SEPTIN9: variants seen among roughly 807,000 people sequenced by gnomAD.
SEPTIN9 encodes the protein septin-9.
Under a neutral mutation model 56.6 loss-of-function variants are expected in SEPTIN9, and 13 were observed. The ratio of observed to expected loss-of-function variants is 0.23; its 90% CI spans 0.15 to 0.37. SEPTIN9 has a LOEUF of 0.37. Among genes scored for constraint, SEPTIN9 ranks in the 10% least tolerant of loss-of-function variants. The probability of loss-of-function intolerance (pLI) is 1.00; values close to 1 mark genes in which losing one functional copy is unlikely to be tolerated. For synonymous variants in SEPTIN9, 332 were observed against 334.1 expected (o/e 0.99, Z 0.07); for missense variants, 650 against 823.1 (o/e 0.79, Z 2.57).
rs1475118862 is a variant in SEPTIN9, at chr17:77,437,547, T to C, written c.721+34844T>C. ...AGAGGTCAGGAGGCTGCTCAAGACC[T>C]TCTGCCCCTCAGGGACCAGGTGAGG... On this transcript the variant is annotated intron_variant, in intron 3 of 11. Coordinates refer to ENST00000427177, the MANE Select transcript of SEPTIN9 (RefSeq NM_001113491.2). This position sits in a 1 kb window ranked among gnomAD's most constrained non-coding sequence, Gnocchi z 5.3. Among the ~76,000 whole-genome samples, 1 of 152,026 alleles carries C rather than the reference T, an allele frequency of 6.6e-6. No individual in the cohort carries two copies. The highest frequency in any genetic ancestry group is 1.9e-4 in the East Asian group (1 of 5,168).
intron 3 of SEPTIN9, among the ~76,000 whole-genome samples, chr17:77,403,919 G>T (rs965181206): frequency 2.0e-5 from 3 of 152,110 alleles, no homozygotes; most frequent in Non-Finnish European, 2.9e-5. Context: ...GTCCCCGTTA[G>T]ACCAAGCTCC....
Position 77,492,357 on chromosome 17 carries a change from A to T in SEPTIN9, c.1381-264A>T, listed in dbSNP as rs1393846367. ...TTCTTGGGGCTGTGATGAGCAGGAGAAGAGAGGTGGGAGGTGCTCAGGACG... is the reference window on the plus strand; with the variant it reads ...TTCTTGGGGCTGTGATGAGCAGGAGTAGAGAGGTGGGAGGTGCTCAGGACG... On this transcript the variant is annotated intron_variant, in intron 8 of 11. Transcript: ENST00000427177. This position sits in a 1 kb window ranked among gnomAD's most constrained non-coding sequence, Gnocchi z 5.4. Among the ~76,000 whole-genome samples, 1 of 151,780 alleles carries T rather than the reference A, an allele frequency of 6.6e-6. No individual in the cohort carries two copies. Among genetic ancestry groups the T allele is most frequent in the African/African-American group, 2.4e-5 (1 of 41,316 alleles).
At position 77,436,368 on chromosome 17, in the gene SEPTIN9, AGGT is replaced by A. The variant is rs1243155298; in HGVS notation, c.721+33668_721+33670del. Among the ~76,000 whole-genome samples the A allele has an allele frequency of 6.6e-6, 1 of 152,152 alleles. No homozygotes were observed. Among genetic ancestry groups the A allele is most frequent in the Non-Finnish European group, 1.5e-5 (1 of 68,020 alleles). The stretch of plus-strand genomic sequence containing the variant: ...CCCAGCTGTTCAGAGCGGATCCAGA[AGGT>A]GGAGAGAGGGTTTCCAATAAGCAGA... On this transcript the variant is annotated intron_variant, in intron 3 of 11. Coordinates refer to ENST00000427177, the MANE Select transcript of SEPTIN9 (RefSeq NM_001113491.2). This position sits in a 1 kb window ranked among gnomAD's most constrained non-coding sequence, Gnocchi z 4.4.
rs1163554594 is a variant in SEPTIN9, at chr17:77,499,751, C to T, written c.*1093C>T. ...AATGCCCAGCCAGCCACCCCTGCCA[C>T]TCACCCTTCCTGGCCCAGGCCTTGC... On this transcript the variant is annotated 3_prime_UTR_variant, in exon 12 of 12. Coordinates refer to ENST00000427177, the MANE Select transcript of SEPTIN9 (RefSeq NM_001113491.2). 2 of 349,970 alleles carry T rather than the reference C, an allele frequency of 5.7e-6. No individual in the cohort carries two copies. Among genetic ancestry groups the T allele is most frequent in the East Asian group, 4.9e-5 (1 of 20,218 alleles). The allele number at this position is 349,970 out of a possible 1,614,324, so 21.7% of individuals were successfully genotyped here.
chr17:77,391,986 G>A (rs368867), intron 2 of SEPTIN9, among the ~76,000 whole-genome samples: 7,271 of 152,312 alleles, frequency 0.048, 459 homozygotes, highest in East Asian at 0.17. Context: ...CCAGTGCTCC[G>A]TTTCTGGAAG....
chr17:77,417,691 A>G (rs562089845), intron 3 of SEPTIN9, among the ~76,000 whole-genome samples: 2 of 152,322 alleles, frequency 1.3e-5, no homozygotes, highest in South Asian at 4.2e-4. Context: ...CGCAGGAGCC[A>G]TTCCTTTTGT....
At position 77,450,922 on chromosome 17, in the gene SEPTIN9, T is replaced by A. The variant is rs1040253494; in HGVS notation, c.722-31222T>A. 12 of 553,834 alleles carry A rather than the reference T, an allele frequency of 2.2e-5. No homozygotes were observed. Among genetic ancestry groups the A allele is most frequent in the Non-Finnish European group, 2.8e-5 (12 of 435,960 alleles). 34.3% of individuals were successfully genotyped at this position (553,834 alleles called of 1,614,324 possible). On this transcript the variant is annotated intron_variant, in intron 3 of 11. Coordinates refer to ENST00000427177, the MANE Select transcript of SEPTIN9 (RefSeq NM_001113491.2). The surrounding 1 kb of genome is among the most constrained non-coding windows in gnomAD (Gnocchi z 6.0). Reference sequence around the variant, plus strand: ...AGCCCTGGCTGCAGGTCTGAATGGCTTTCTGGGGTGGCTGGCCATGCTCCC... The same window carrying A: ...AGCCCTGGCTGCAGGTCTGAATGGCATTCTGGGGTGGCTGGCCATGCTCCC...
chr17:77,402,802 G>A lies in SEPTIN9; in HGVS notation c.721+99G>A. On this transcript the variant is annotated intron_variant, in intron 3 of 11. Coordinates refer to ENST00000427177, the MANE Select transcript of SEPTIN9 (RefSeq NM_001113491.2). The surrounding 1 kb of genome is among the most constrained non-coding windows in gnomAD (Gnocchi z 6.6). ...TGGAGGAAGAAGCTGGATATGGGGT[G>A]GAGGGTGCTACCCTGGAGACCCAGA... 1.6e-6 allele frequency: 2 copies of A among 1,273,428 alleles called. No homozygotes were observed. The highest frequency in any genetic ancestry group is 2.1e-6 in the Non-Finnish European group (2 of 934,460). 78.9% of individuals were successfully genotyped at this position (1,273,428 alleles called of 1,614,324 possible). A position where few individuals can be genotyped will look rare whatever the true frequency, so the allele number is the denominator to read the frequency against.
intron 1 of SEPTIN9, among the ~76,000 whole-genome samples, chr17:77,286,020 C>T (rs759403937): frequency 5.9e-5 from 9 of 152,264 alleles, no homozygotes; most frequent in African/African-American, 2.4e-5. Flanking sequence ...CCCCCAGCCC[C>T]GTCTCCGCGC....
chr17:77,481,984 AC>A, intron 3 of SEPTIN9, 159 bp from the exon 4 acceptor site: 1 of 660,842 alleles, frequency 1.5e-6, no homozygotes, highest in Non-Finnish European at 2.5e-6. Context: ...AGGGACATCC[AC>A]CCGGGGGAAT....
chr17:77,496,031 CTTTT>C lies in SEPTIN9; in HGVS notation c.1574-1272_1574-1269del, dbSNP rs534634574. On this transcript the variant is annotated intron_variant, in intron 10 of 11. Coordinates refer to ENST00000427177, the MANE Select transcript of SEPTIN9 (RefSeq NM_001113491.2). ...TTTCTTTTCTTTTCTTTTTCTTTTT[CTTTT>C]TTTTTTTTTTTGAGACGAAGTTTCA... Among the ~76,000 whole-genome samples, 1,284 of 140,212 alleles carry C rather than the reference CTTTT, an allele frequency of 9.2e-3. 22 individuals carry two copies. The highest frequency in any genetic ancestry group is 0.032 in the African/African-American group (1,235 of 38,364). 92.0% of individuals were successfully genotyped at this position (140,212 alleles called of 152,430 possible).
intron 3 of SEPTIN9, chr17:77,454,047 C>G: frequency 1.0e-6 from 1 of 982,232 alleles, no homozygotes; most frequent in Non-Finnish European, 1.2e-6. Context: ...CCCTCTCTCC[C>G]TGGCCGGGAG....
Position 77,319,957 on chromosome 17 carries a change from G to T in SEPTIN9, c.76+12760G>T, listed in dbSNP as rs1286850781. On this transcript the variant is annotated intron_variant, in intron 2 of 11. Coordinates refer to ENST00000427177, the MANE Select transcript of SEPTIN9 (RefSeq NM_001113491.2). This position sits in a 1 kb window ranked among gnomAD's most constrained non-coding sequence, Gnocchi z 5.3. ...TCTGCAGCCACCGACCAGACCGGGCGGCCGGGACTCTGGGACTCTCGCAGG... is the reference window on the plus strand; with the variant it reads ...TCTGCAGCCACCGACCAGACCGGGCTGCCGGGACTCTGGGACTCTCGCAGG... 5 of 1,171,124 alleles carry T rather than the reference G, an allele frequency of 4.3e-6. No individual in the cohort carries two copies. Among genetic ancestry groups the T allele is most frequent in the Middle Eastern group, 3.5e-4 (1 of 2,886 alleles). 72.5% of individuals were successfully genotyped at this position (1,171,124 alleles called of 1,614,324 possible).
In SEPTIN9 at chr17:77,436,207, C is replaced by T. The variant is rs1001622147; in HGVS notation, c.721+33504C>T. Among the ~76,000 whole-genome samples, 3 of 152,190 alleles carry T rather than the reference C, an allele frequency of 2.0e-5. No individual in the cohort carries two copies. Among genetic ancestry groups the T allele is most frequent in the Non-Finnish European group, 4.4e-5 (3 of 68,038 alleles). ...TGGTGGATCCCATTTCCTCAGCCCC[C>T]TCTCCAGCTTTCCCAGGGAAAGGGC... On this transcript the variant is annotated intron_variant, in intron 3 of 11. Transcript: ENST00000427177. The surrounding 1 kb of genome is among the most constrained non-coding windows in gnomAD (Gnocchi z 4.4).
At chr17:77,316,116 A>G (rs2032693915) in intron 2 of SEPTIN9, among the ~76,000 whole-genome samples, 1 of 152,300 alleles carries the variant, frequency 6.6e-6, no homozygotes, top group East Asian at 1.9e-4. Context: ...TGAATCTAAG[A>G]CAGGACCACA....
intron 3 of SEPTIN9, among the ~76,000 whole-genome samples, chr17:77,457,294 T>C (rs1271103320): frequency 6.6e-6 from 1 of 151,990 alleles, no homozygotes; most frequent in Admixed American, 6.5e-5. Flanking sequence ...TGGTCATGCC[T>C]CAGGCCTCCC....
At position 77,393,659 on chromosome 17, in the gene SEPTIN9, G is replaced by A. The variant is rs533187057; in HGVS notation, c.77-8400G>A. ...GGATAGAGTGCAATGGCACAATCTC[G>A]GCTCACCACAACCTCCGCCTCCTGG... On this transcript the variant is annotated intron_variant, in intron 2 of 11. Transcript: ENST00000427177. Among the ~76,000 whole-genome samples, 42 of 152,082 alleles carry A rather than the reference G, an allele frequency of 2.8e-4. 1 individual carries two copies. Among genetic ancestry groups the A allele is most frequent in the Non-Finnish European group, 4.1e-4 (28 of 68,030 alleles).
chr17:77,404,387 G>A (rs1267325483), intron 3 of SEPTIN9, among the ~76,000 whole-genome samples: 1 of 152,150 alleles, frequency 6.6e-6, no homozygotes, highest in Non-Finnish European at 1.5e-5. Flanking sequence ...TAGGACCACA[G>A]GTTGCGCGCC....
chr17:77,308,635 T>C (rs1048542998), intron 2 of SEPTIN9, among the ~76,000 whole-genome samples: 2 of 152,206 alleles, frequency 1.3e-5, no homozygotes, highest in African/African-American at 2.4e-5. Flanking sequence ...GGCTAGTGGC[T>C]ATGAAACTGA....
Sources: gnomAD v4.1 joint callset for allele counts (sites outside exome capture counted in the v4.1 genomes callset) on GRCh38, gnomAD v4.1.1 for gene constraint, Gnocchi (gnomAD v3.1) non-coding constraint, MANE v1.5 for transcripts, NCBI Gene and HGNC (gene_info 2026-07-23, HGNC 2026-07-21) for gene names.